STK32B: variants seen among roughly 807,000 people sequenced by gnomAD.
STK32B encodes the protein serine/threonine-protein kinase 32B.
Under a neutral mutation model 52.6 loss-of-function variants are expected in STK32B, and 43 were observed. The ratio of observed to expected loss-of-function variants is 0.82; its 90% CI spans 0.64 to 1.05. The LOEUF (loss-of-function observed/expected upper bound fraction) is 1.05, where lower values mean the gene tolerates loss of function less well. STK32B is among the 50% of genes least tolerant of loss of function. The pLI, the probability that STK32B is intolerant of heterozygous loss-of-function variation, is 0.00. For missense variants in STK32B, 621 were observed against 534.6 expected (o/e 1.16, Z -1.59); for synonymous variants, 238 against 204.3 (o/e 1.17, Z -1.41).
At chr4:5,261,593 T>G (rs958958948) in intron 3 of STK32B, among the ~76,000 whole-genome samples, 14 of 152,160 alleles carry the variant, frequency 9.2e-5, no homozygotes, top group African/African-American at 1.9e-4. Flanking sequence ...TCAGAGAGGT[T>G]TAATAACTTG....
intron 3 of STK32B, among the ~76,000 whole-genome samples, chr4:5,319,758 A>ATGTCTT (rs920642435): frequency 6.6e-6 from 1 of 152,124 alleles, no homozygotes; most frequent in African/African-American, 2.4e-5. Context: ...AGGGTATGAA[A>ATGTCTT]TGTCTTCTCA....
At chr4:5,261,300 G>C (rs531002122) in intron 3 of STK32B, among the ~76,000 whole-genome samples, 4 of 152,286 alleles carry the variant, frequency 2.6e-5, no homozygotes, top group African/African-American at 9.6e-5. Flanking sequence ...GAAAATATAT[G>C]CATCCAGATT....
intron 3 of STK32B, among the ~76,000 whole-genome samples, chr4:5,239,194 G>A (rs1041152331): frequency 3.3e-5 from 5 of 152,150 alleles, no homozygotes; most frequent in Admixed American, 1.3e-4. Flanking sequence ...AGAGAGGTGA[G>A]CAGGAGTAGG....
the STK32B span, among the ~76,000 whole-genome samples, chr4:5,026,021 C>T: frequency 1.2e-4 from 18 of 152,340 alleles, no homozygotes; most frequent in Admixed American, 8.5e-4. Flanking sequence ...CAGGCCTCCA[C>T]GACTCCCTCC....
intron 3 of STK32B, among the ~76,000 whole-genome samples, chr4:5,175,316 C>G (rs867091512): frequency 3.4e-4 from 52 of 152,176 alleles, no homozygotes; most frequent in Non-Finnish European, 2.8e-4. Context: ...CAAAGTTATT[C>G]TCTGTCCAGC....
At chr4:5,309,716 A>G (rs1434334238) in intron 3 of STK32B, among the ~76,000 whole-genome samples, 1 of 152,214 alleles carries the variant, frequency 6.6e-6, no homozygotes, top group East Asian at 1.9e-4. Flanking sequence ...ATCTCTCATT[A>G]TATAAAAACC....
intron 3 of STK32B, among the ~76,000 whole-genome samples, chr4:5,224,315 A>T (rs746331748): frequency 3.3e-5 from 5 of 152,304 alleles, no homozygotes; most frequent in Non-Finnish European, 1.5e-5. Context: ...TCCTCATGGG[A>T]CCTCCCAATG....
intron 1 of STK32B, among the ~76,000 whole-genome samples, chr4:5,113,818 A>T (rs1180910489): frequency 1.3e-5 from 2 of 152,212 alleles, no homozygotes; most frequent in African/African-American, 2.4e-5. Context: ...TTACAGTTCC[A>T]CATGGCCGGG....
chr4:5,219,274 C>A (rs1331298892), intron 3 of STK32B, among the ~76,000 whole-genome samples: 2 of 152,216 alleles, frequency 1.3e-5, no homozygotes, highest in East Asian at 3.9e-4. Context: ...GCCAGGCCCC[C>A]TCATGGGAAA....
At chr4:5,060,150 G>C (rs964305226) in intron 1 of STK32B, among the ~76,000 whole-genome samples, 2 of 152,128 alleles carry the variant, frequency 1.3e-5, no homozygotes, top group African/African-American at 4.8e-5. Context: ...ATTTGTAGTG[G>C]AGACAGAGTT....
At chr4:5,030,662 T>C in the STK32B span, among the ~76,000 whole-genome samples, 6 of 152,204 alleles carry the variant, frequency 3.9e-5, no homozygotes, top group Non-Finnish European at 8.8e-5. Flanking sequence ...GTTAAGTAAC[T>C]TGCTCAAGGT....
intron 3 of STK32B, among the ~76,000 whole-genome samples, chr4:5,311,914 A>ATATTT (rs143725868): frequency 6.9e-6 from 1 of 145,410 alleles, no homozygotes; most frequent in African/African-American, 2.6e-5. Context: ...ATATATATAT[A>ATATTT]TTTTTTTTTA....
At chr4:5,283,364 G>A (rs1728332569) in intron 3 of STK32B, among the ~76,000 whole-genome samples, 1 of 152,112 alleles carries the variant, frequency 6.6e-6, no homozygotes, top group Middle Eastern at 3.4e-3. Flanking sequence ...GGAATTATGA[G>A]ACACCATCAA....
chr4:5,416,944 C>A lies in STK32B; in HGVS notation c.562+10C>A, dbSNP rs1422814753. On this transcript the variant is annotated intron_variant, in intron 6 of 11. Transcript: ENST00000282908. Reference sequence around the variant, plus strand: ...ACCAAGCCCTACATGGGTGAGTGTTCCAGGCCCCTTCTTTTCATGTGATCG... The same window carrying A: ...ACCAAGCCCTACATGGGTGAGTGTTACAGGCCCCTTCTTTTCATGTGATCG... 5.0e-6 allele frequency: 8 copies of A among 1,607,622 alleles called. No homozygotes were observed. Among genetic ancestry groups the A allele is most frequent in the Non-Finnish European group, 6.8e-6 (8 of 1,176,902 alleles).
At chr4:5,304,590 T>G (rs1406037925) in intron 3 of STK32B, among the ~76,000 whole-genome samples, 1 of 152,024 alleles carries the variant, frequency 6.6e-6, no homozygotes. Flanking sequence ...TCGATGAGTC[T>G]TTAGGGTTTT....
At chr4:5,333,558 A>G (rs1428545213) in intron 4 of STK32B, among the ~76,000 whole-genome samples, 1 of 152,194 alleles carries the variant, frequency 6.6e-6, no homozygotes, top group East Asian at 1.9e-4. Context: ...GCCCATGCCT[A>G]TGTCCTGAAT....
At chr4:5,381,884 AG>A (rs1735956688) in intron 4 of STK32B, among the ~76,000 whole-genome samples, 1 of 152,100 alleles carries the variant, frequency 6.6e-6, no homozygotes, top group African/African-American at 2.4e-5. Flanking sequence ...TGAAGGAGGG[AG>A]GGAAGGAAGG....
Position 5,489,621 on chromosome 4 carries a change from A to ATTTATTTTTTTTTTTTTTTTTTTTTTTTT in STK32B, c.1107-9321_1107-9320insATTTTTTTTTTTTTTTTTTTTTTTTTTTT, listed in dbSNP as rs1719532914. 2.6e-5 allele frequency among the ~76,000 whole-genome samples: 4 copies of ATTTATTTTTTTTTTTTTTTTTTTTTTTTT among 151,708 alleles called. No homozygotes were observed. The East Asian group carries it at 8.0e-4, about 30-fold the overall frequency. Reference sequence around the variant, plus strand: ...ACAACAATTTTATTTTATTTTATTTATTTTTTATTATTTTTTTTGAGATGG... The same window carrying ATTTATTTTTTTTTTTTTTTTTTTTTTTTT: ...ACAACAATTTTATTTTATTTTATTTATTTATTTTTTTTTTTTTTTTTTTTTTTTTTTTTTTATTATTTTTTTTGAGATGG... On this transcript the variant is annotated intron_variant, in intron 11 of 11. Coordinates refer to ENST00000282908, the MANE Select transcript of STK32B (RefSeq NM_018401.3).
chr4:5,134,919 A>G (rs1277406143), intron 1 of STK32B, among the ~76,000 whole-genome samples: 3 of 152,270 alleles, frequency 2.0e-5, no homozygotes, highest in Non-Finnish European at 2.9e-5. Context: ...GGCTGTTTGA[A>G]TAAACAGCTT....
Sources: gnomAD v4.1 joint callset for allele counts (sites outside exome capture counted in the v4.1 genomes callset) on GRCh38, gnomAD v4.1.1 for gene constraint, MANE v1.5 for transcripts, NCBI Gene and HGNC (gene_info 2026-07-23, HGNC 2026-07-21) for gene names.